AVEN: variants seen among roughly 807,000 people sequenced by gnomAD.
The protein encoded by AVEN is cell death regulator Aven.
Under a neutral mutation model 38.1 loss-of-function variants are expected in AVEN, and 41 were observed. The ratio of observed to expected loss-of-function variants is 1.08; its 90% CI spans 0.84 to 1.40. The LOEUF (loss-of-function observed/expected upper bound fraction) is 1.40. Ranked by LOEUF, AVEN falls within the 40% of genes most tolerant of loss-of-function variation. The pLI is 0.00. For missense variants in AVEN, 605 were observed against 438.8 expected, an observed-to-expected ratio of 1.38 and a Z score of -3.38; for synonymous variants, 206 against 171.8, an observed-to-expected ratio of 1.20 and a Z score of -1.56.
intron 2 of AVEN, among the ~76,000 whole-genome samples, chr15:33,939,084 G>A (rs1047506824): frequency 4.6e-5 from 7 of 152,016 alleles, no homozygotes; most frequent in South Asian, 2.1e-4. Flanking sequence ...TTCGTGATTC[G>A]CCCGCTTCAG....
chr15:33,890,901 A>C (rs1362437904), intron 2 of AVEN, among the ~76,000 whole-genome samples: 1 of 152,130 alleles, frequency 6.6e-6, no homozygotes, highest in Non-Finnish European at 1.5e-5. Flanking sequence ...AGAGCCCTGA[A>C]ATTTGAGGCC....
intron 1 of AVEN, among the ~76,000 whole-genome samples, chr15:34,011,188 T>C (rs915607293): frequency 1.3e-5 from 2 of 151,640 alleles, no homozygotes; most frequent in African/African-American, 4.9e-5. Context: ...CAAGACTCTG[T>C]CTCAAAAAAA....
intron 5 of AVEN, among the ~76,000 whole-genome samples, chr15:34,056,037 G>T (rs991066840): frequency 6.6e-6 from 1 of 152,088 alleles, no homozygotes; most frequent in African/African-American, 2.4e-5. Flanking sequence ...ATTGTTATAC[G>T]TGTTTAACAG....
intron 5 of AVEN, among the ~76,000 whole-genome samples, chr15:34,058,792 A>C (rs1399238485): frequency 6.6e-6 from 1 of 152,220 alleles, no homozygotes; most frequent in Non-Finnish European, 1.5e-5. Flanking sequence ...AATAAAGCCA[A>C]CTGAGATCTT....
chr15:33,863,654 G>A (rs75223501), downstream of AVEN, among the ~76,000 whole-genome samples: 4,946 of 152,104 alleles, frequency 0.033, 161 homozygotes, highest in Non-Finnish European at 0.039. Context: ...TATTTATGAT[G>A]AAAACAAAAC....
intron 2 of AVEN, among the ~76,000 whole-genome samples, chr15:33,877,051 G>T (rs534527097): frequency 6.6e-6 from 1 of 152,214 alleles, no homozygotes; most frequent in African/African-American, 2.4e-5. Context: ...TGTTCTCAGA[G>T]AAAAAGTTAA....
intron 5 of AVEN, among the ~76,000 whole-genome samples, chr15:34,044,697 A>G (rs759307938): frequency 3.6e-4 from 54 of 151,904 alleles, no homozygotes; most frequent in Non-Finnish European, 7.2e-4. Context: ...GTATGCGTTA[A>G]ATGGGTCCAG....
chr15:33,948,376 T>A (rs1408825532), intron 2 of AVEN, among the ~76,000 whole-genome samples: 1 of 151,642 alleles, frequency 6.6e-6, no homozygotes, highest in Admixed American at 6.6e-5. Context: ...ATTACAGGCG[T>A]GAGCCACCAC....
At chr15:34,028,046 G>A (rs1287514671) in intron 1 of AVEN, among the ~76,000 whole-genome samples, 1 of 152,140 alleles carries the variant, frequency 6.6e-6, no homozygotes, top group East Asian at 1.9e-4. Flanking sequence ...TAAGGCAGAG[G>A]TGTAAATTTC....
At position 33,875,905 on chromosome 15, in the gene AVEN, TAACAC is replaced by T. The variant is rs781531896; in HGVS notation, c.516+15_516+19del. ...CCTTGAAGAAGAGCCAGTCCACACT[TAACAC>T]AACTCTTATCTTACCTGTTTTGGAC... On this transcript the variant is annotated intron_variant, in intron 3 of 5. Coordinates refer to ENST00000306730, the MANE Select transcript of AVEN (RefSeq NM_020371.3). 3.1e-6 allele frequency: 5 copies of T among 1,607,670 alleles called. No individual in the cohort carries two copies. In the African/African-American group the frequency reaches 4.0e-5, roughly 13 times the overall value.
rs1490393670 is a variant in AVEN, at chr15:34,050,322, T to A, written n.1637+12600A>T. On this transcript the variant is annotated intron_variant and non_coding_transcript_variant, in intron 5 of 11. Transcript: ENST00000675287. ...GGAATTTGTCACCATTGGGCCTGCC[T>A]TGCAAGAGCTCCTGAAGCTTCCATA... Among the ~76,000 whole-genome samples the A allele has an allele frequency of 2.0e-5, 3 of 152,176 alleles. No individual in the cohort carries two copies. The South Asian group carries it at 6.2e-4, about 32-fold the overall frequency.
intron 2 of AVEN, among the ~76,000 whole-genome samples, chr15:33,933,520 CACACAG>C (rs1893939784): frequency 3.9e-4 from 32 of 82,530 alleles, no homozygotes; most frequent in East Asian, 1.4e-3. Context: ...CACACACACA[CACACAG>C]AGAGAGAGAG....
chr15:33,903,385 CCTTCTAG>C (rs1347731166), intron 2 of AVEN, among the ~76,000 whole-genome samples: 3 of 152,184 alleles, frequency 2.0e-5, no homozygotes, highest in Non-Finnish European at 2.9e-5. Context: ...TACTAGCCTT[CCTTCTAG>C]TTTTTGAACA....
At chr15:34,036,131 T>G (rs1207302913) in intron 1 of AVEN, among the ~76,000 whole-genome samples, 2 of 151,900 alleles carry the variant, frequency 1.3e-5, no homozygotes, top group African/African-American at 4.8e-5. Context: ...AATGATTGTA[T>G]CTAGTACAAT....
intron 1 of AVEN, among the ~76,000 whole-genome samples, chr15:34,011,769 A>C (rs1418467238): frequency 6.6e-6 from 1 of 152,144 alleles, no homozygotes; most frequent in African/African-American, 2.4e-5. Context: ...TTTGCTTCCA[A>C]GTCGGCTAAA....
chr15:33,870,641 A>C (rs1890904858), intron 4 of AVEN, among the ~76,000 whole-genome samples: 1 of 152,220 alleles, frequency 6.6e-6, no homozygotes, highest in Non-Finnish European at 1.5e-5. Context: ...CTAGTGCCGA[A>C]CATAGAGCGT....
At chr15:34,049,538 A>G (rs1232455743) in intron 5 of AVEN, among the ~76,000 whole-genome samples, 1 of 152,220 alleles carries the variant, frequency 6.6e-6, no homozygotes, top group Non-Finnish European at 1.5e-5. Flanking sequence ...GGGATTATGT[A>G]AAGCAAAACC....
chr15:33,866,601 T>A lies in AVEN; in HGVS notation c.*12A>T, dbSNP rs778324169. 19 of 1,607,956 alleles carry A rather than the reference T, an allele frequency of 1.2e-5. No homozygotes were observed. Among genetic ancestry groups the A allele is most frequent in the Non-Finnish European group, 1.6e-5 (19 of 1,175,184 alleles). On this transcript the variant is annotated 3_prime_UTR_variant, in exon 6 of 6. Transcript: ENST00000306730. The stretch of plus-strand genomic sequence containing the variant: ...CAACCAAGATTTGCTTCAGGCACTT[T>A]TTTTCCCCTTTTTAGGAAATCATGC...
At chr15:34,039,261 G>C (rs946136928), upstream of AVEN, 10 of 211,142 alleles carry the variant, frequency 4.7e-5, no homozygotes, top group African/African-American at 2.4e-4. Context: ...AACCGGGACC[G>C]CGGGAAGGCC....
Sources: allele counts gnomAD v4.1 joint callset (sites outside exome capture counted in the v4.1 genomes callset), GRCh38; gene constraint gnomAD v4.1.1; transcripts MANE v1.5; gene names NCBI Gene and HGNC (gene_info 2026-07-23, HGNC 2026-07-21).